The following USP50 variants were observed in gnomAD, a reference collection of about 807,000 sequenced individuals.
The protein encoded by USP50 is ubiquitin specific peptidase 50.
A neutral mutation model predicts 39.2 loss-of-function variants in USP50; 37 were observed. The observed-to-expected ratio is 0.94, with a 90% CI of 0.73 to 1.24. The LOEUF is 1.24. Ranked by LOEUF, USP50 falls within the 50% of genes most tolerant of loss-of-function variation. The pLI, the probability that USP50 is intolerant of heterozygous loss-of-function variation, is 0.00. For synonymous variants in USP50, 139 were observed against 144.5 expected (o/e 0.96, Z 0.27); for missense variants, 374 against 398.2 (o/e 0.94, Z 0.52).
intron 6 of USP50, among the ~76,000 whole-genome samples, chr15:50,525,766 C>T (rs1239523868): frequency 2.8e-5 from 4 of 143,642 alleles, no homozygotes; most frequent in Non-Finnish European, 6.0e-5. Context: ...CACATTGCAC[C>T]CCATTAATGT....
chr15:50,534,335 A>G (rs1237644610), intron 5 of USP50, among the ~76,000 whole-genome samples: 2 of 152,224 alleles, frequency 1.3e-5, no homozygotes, highest in Non-Finnish European at 2.9e-5. Flanking sequence ...GGCAACCACT[A>G]ACAAATGTTT....
At chr15:50,531,544 T>C (rs1417021162) in intron 5 of USP50, among the ~76,000 whole-genome samples, 1 of 152,044 alleles carries the variant, frequency 6.6e-6, no homozygotes, top group East Asian at 1.9e-4. Flanking sequence ...GGGAGGAGAA[T>C]GATTAGAGAG....
At chr15:50,514,203 T>C (rs1198973211) in intron 6 of USP50, 4 of 152,102 alleles carry the variant, frequency 2.6e-5, no homozygotes, top group Non-Finnish European at 5.9e-5. Flanking sequence ...AAGCATAAAA[T>C]CAGGCAAAAA....
intron 6 of USP50, among the ~76,000 whole-genome samples, chr15:50,528,466 T>C (rs2052916185): frequency 6.6e-6 from 1 of 152,164 alleles, no homozygotes; most frequent in African/African-American, 2.4e-5. Context: ...AATTTTTATA[T>C]TCAATTCAGA....
chr15:50,496,475 C>CT (rs2052412700), downstream of USP50, among the ~76,000 whole-genome samples: 1 of 109,748 alleles, frequency 9.1e-6, no homozygotes, highest in African/African-American at 4.0e-5. Context: ...AACAAGACTC[C>CT]GTCTTAAAAA....
intron 6 of USP50, chr15:50,509,222 T>G (rs1002644224): frequency 2.4e-5 from 3 of 127,464 alleles, no homozygotes; most frequent in African/African-American, 3.0e-5. Context: ...GAGGCTGAGG[T>G]GGGAGGATGG....
chr15:50,537,722 T>C (rs2052990319), intron 5 of USP50, among the ~76,000 whole-genome samples: 1 of 150,078 alleles, frequency 6.7e-6, no homozygotes, highest in Non-Finnish European at 1.5e-5. Context: ...TAGCTGGGCG[T>C]GGTGGCGGGT....
In USP50 at chr15:50,537,217, G is replaced by T. The variant is rs79484436; in HGVS notation, c.803+1492C>A. Among the ~76,000 whole-genome samples the T allele has an allele frequency of 2.5e-3, 378 of 151,090 alleles. 1 individual carries two copies. Among genetic ancestry groups the T allele is most frequent in the South Asian group, 6.3e-3 (30 of 4,750 alleles). ...TGACCTTTTTCAACAAATGGTGCTA[G>T]GACAACTGGATATCCACGCGAAAAA... On this transcript the variant is annotated intron_variant, in intron 5 of 6. Transcript: ENST00000532404.
intron 5 of USP50, chr15:50,531,977 A>AC (rs2052943532): frequency 2.7e-6 from 1 of 364,952 alleles, no homozygotes; most frequent in African/African-American, 2.1e-5. Context: ...AAACTGGAAA[A>AC]ACAGACCAGC....
At chr15:50,496,129 G>T, downstream of USP50, 1 of 1,460,250 alleles carries the variant, frequency 6.8e-7, no homozygotes. Context: ...GGATAAAAAT[G>T]CTGTTTTTAT....
chr15:50,493,087 G>C (rs2052239762), downstream of USP50: 1 of 742,176 alleles, frequency 1.3e-6, no homozygotes, highest in East Asian at 2.9e-5. Flanking sequence ...CATCGTCTAG[G>C]TGCCGGCATC....
At chr15:50,498,369 C>CTGTT (rs144769934), downstream of USP50, 21,360 of 455,894 alleles carry the variant, frequency 0.047, 675 homozygotes, top group Non-Finnish European at 0.058. Context: ...ACCATTCTGG[C>CTGTT]TGTTTGACCT....
intron 6 of USP50, among the ~76,000 whole-genome samples, chr15:50,518,826 A>G (rs2052824623): frequency 6.6e-6 from 1 of 152,216 alleles, no homozygotes; most frequent in African/African-American, 2.4e-5. Flanking sequence ...ATGTTAAACT[A>G]AAAAGCTTCT....
intron 5 of USP50, among the ~76,000 whole-genome samples, chr15:50,533,923 C>T (rs558138084): frequency 6.6e-6 from 1 of 152,138 alleles, no homozygotes; most frequent in African/African-American, 2.4e-5. Context: ...TCGCTTGAAC[C>T]TGGGAGGCAG....
At chr15:50,522,003 T>C (rs2052854889) in intron 6 of USP50, among the ~76,000 whole-genome samples, 1 of 152,090 alleles carries the variant, frequency 6.6e-6, no homozygotes, top group African/African-American at 2.4e-5. Context: ...TTACAATTCA[T>C]AACACAAATA....
chr15:50,500,307 A>G (rs1210731482), downstream of USP50: 1 of 153,776 alleles, frequency 6.5e-6, no homozygotes, highest in Admixed American at 6.4e-5. Context: ...ATTTTTGTTT[A>G]GCTTCATGAG....
At chr15:50,525,923 G>A (rs183290626) in intron 6 of USP50, among the ~76,000 whole-genome samples, 577 of 151,986 alleles carry the variant, frequency 3.8e-3, no homozygotes, top group Middle Eastern at 0.01. Flanking sequence ...TAGAGAACAT[G>A]CAAAACAGAA....
intron 5 of USP50, among the ~76,000 whole-genome samples, chr15:50,537,060 T>G (rs1226471943): frequency 1.3e-5 from 2 of 151,848 alleles, no homozygotes; most frequent in Non-Finnish European, 2.9e-5. Context: ...ACCAGAATAA[T>G]CAAGACAATG....
At chr15:50,496,982 T>G, downstream of USP50, 3 of 1,366,718 alleles carry the variant, frequency 2.2e-6, no homozygotes. Flanking sequence ...TTGTGTAGAT[T>G]GCTGTTGAAT....
Sources: allele counts gnomAD v4.1 joint callset (sites outside exome capture counted in the v4.1 genomes callset), GRCh38; gene constraint gnomAD v4.1.1; transcripts MANE v1.5; gene names NCBI Gene and HGNC (gene_info 2026-07-23, HGNC 2026-07-21).